The following GAA variants were observed in gnomAD, a reference collection of about 807,000 sequenced individuals.
The protein encoded by GAA is lysosomal alpha-glucosidase.
GAA carries 88 observed loss-of-function variants against 103.9 expected under a neutral mutation model. That is an observed-to-expected ratio of 0.85 (90% CI 0.71 to 1.01). The LOEUF is 1.01. Among genes scored for constraint, GAA ranks in the 50% least tolerant of loss-of-function variants. The probability of loss-of-function intolerance (pLI) is 0.00; values close to 1 mark genes in which losing one functional copy is unlikely to be tolerated. For missense variants in GAA, 1,350 were observed against 1,305.3 expected (o/e 1.03, Z -0.53); for synonymous variants, 572 against 563.1 (o/e 1.02, Z -0.22).
In GAA at chr17:80,118,767, G is replaced by T. The variant is rs1555603286; in HGVS notation, c.2761G>T (p.Val921Phe). Residue 921 changes from valine (V) to phenylalanine (F), a missense_variant, in exon 19 of 20, where the codon GTC becomes TTC. Transcript: ENST00000302262. Reference sequence around the variant, plus strand: ...GCCCCAGCAGGTCCTCTCCAACGGTGTCCCTGTCTCCAACTTCACCTACAG... The same window carrying T: ...GCCCCAGCAGGTCCTCTCCAACGGTTTCCCTGTCTCCAACTTCACCTACAG... ...TAPQQVLSNG[V>F]PVSNFTYSPD... 1 of 1,613,548 alleles carries T rather than the reference G, an allele frequency of 6.2e-7. No individual in the cohort carries two copies. The highest frequency in any genetic ancestry group is 1.3e-5 in the African/African-American group (1 of 75,052).
chr17:80,113,480 C>A (rs1013126514), intron 15 of GAA, 114 bp downstream of exon 15: 2 of 1,030,700 alleles, frequency 1.9e-6, no homozygotes, highest in Non-Finnish European at 2.7e-6. Context: ...AGCAGGTTGC[C>A]GCTGAGTGAG....
chr17:80,119,306 A>T lies in GAA; in HGVS notation c.2834A>T (p.Glu945Val). The change falls in exon 20 of 20, where the codon GAG (glutamate) becomes GTG (valine). Residue 945 changes from glutamate to valine, a missense_variant. Transcript: ENST00000302262. ...ATCTGTGTCTCGCTGTTGATGGGAG[A>T]GCAGTTTCTCGTCAGCTGGTGTTAG... The part of the protein sequence containing the change: ...LDICVSLLMG[E>V]QFLVSWC 1 of 1,613,558 alleles carries T rather than the reference A, an allele frequency of 6.2e-7. No individual in the cohort carries two copies. Among genetic ancestry groups the T allele is most frequent in the Non-Finnish European group, 8.5e-7 (1 of 1,179,836 alleles).
At chr17:80,112,775 C>A (rs984443229) in intron 13 of GAA, 64 bp downstream of exon 13, 4 of 1,575,784 alleles carry the variant, frequency 2.5e-6, no homozygotes, top group Non-Finnish European at 3.4e-6. Context: ...GGGAGGCTTG[C>A]CGGGGCCCCC....
chr17:80,118,207 A>C lies in GAA; in HGVS notation c.2496A>C (p.Thr832=). The change falls in exon 18 of 20, where the codon ACA becomes ACC. Residue 832 remains threonine (T), a synonymous_variant. Coordinates refer to ENST00000302262, the MANE Select transcript of GAA (RefSeq NM_000152.5). The part of the protein sequence containing the change: ...YIIPLQGPGL[T]TTESRQQPMA... Reference sequence around the variant, plus strand: ...TCCCTTTCCAGGGCCCTGGCCTCACAACCACAGAGTCCCGCCAGCAGCCCA... The same window carrying C: ...TCCCTTTCCAGGGCCCTGGCCTCACCACCACAGAGTCCCGCCAGCAGCCCA... The C allele has an allele frequency of 1.2e-6, 2 of 1,613,070 alleles. No individual in the cohort carries two copies.
chr17:80,107,751 C>T, intron 4 of GAA, 29 bp downstream of exon 4: 1 of 1,591,610 alleles, frequency 6.3e-7, no homozygotes, highest in Non-Finnish European at 8.5e-7. Context: ...GGCGGGGGCA[C>T]TGAGCTGGGG....
chr17:80,116,108 A>T (rs892244814), intron 15 of GAA, among the ~76,000 whole-genome samples: 4 of 152,242 alleles, frequency 2.6e-5, no homozygotes, highest in Non-Finnish European at 5.9e-5. Context: ...CACCATCTTC[A>T]CTGACATCAC....
intron 11 of GAA, 28 bp from the exon 12 acceptor site, chr17:80,111,955 C>A: frequency 6.3e-7 from 1 of 1,599,008 alleles, no homozygotes; most frequent in Non-Finnish European, 8.6e-7. Flanking sequence ...GAGGAAGCTC[C>A]CTGGAAACCA....
chr17:80,117,864 C>T (rs890912652), intron 17 of GAA, 115 bp downstream of exon 17: 19 of 1,111,562 alleles, frequency 1.7e-5, no homozygotes, highest in Admixed American at 8.2e-5. Flanking sequence ...GGCCGCCCCC[C>T]GCAGTGTAGG....
chr17:80,116,262 C>T (rs2143914345), intron 15 of GAA, among the ~76,000 whole-genome samples: 1 of 152,322 alleles, frequency 6.6e-6, no homozygotes, highest in South Asian at 2.1e-4. Flanking sequence ...TATAAATTGG[C>T]ACATTTGTGG....
chr17:80,109,144 G>C (rs985791672), intron 8 of GAA, among the ~76,000 whole-genome samples: 3 of 152,184 alleles, frequency 2.0e-5, no homozygotes, highest in Non-Finnish European at 4.4e-5. Context: ...GGAGGGCCCG[G>C]TGGGCCTGGG....
intron 8 of GAA, among the ~76,000 whole-genome samples, chr17:80,109,683 G>A (rs1315733699): frequency 6.8e-6 from 1 of 146,698 alleles, no homozygotes; most frequent in Non-Finnish European, 1.5e-5. Context: ...TAGAACACTT[G>A]GGAAACTCTA....
At chr17:80,111,143 G>C (rs4889817) in intron 11 of GAA, 118 bp downstream of exon 11, 54 of 884,652 alleles carry the variant, frequency 6.1e-5, no homozygotes, top group Admixed American at 2.9e-4. Context: ...GGAAAGGGGC[G>C]GGGGGGGGAT....
intron 2 of GAA, among the ~76,000 whole-genome samples, chr17:80,105,442 G>C (rs373245550): frequency 9.8e-5 from 15 of 152,310 alleles, no homozygotes; most frequent in African/African-American, 3.6e-4. Flanking sequence ...AGATACCCCA[G>C]GCATGACTTT....
Position 80,117,015 on chromosome 17 carries a change from G to A in GAA, c.2237G>A (p.Trp746Ter), listed in dbSNP as rs752921215. 1.2e-5 allele frequency: 19 copies of A among 1,613,396 alleles called. No homozygotes were observed. The highest frequency in any genetic ancestry group is 4.0e-5 in the African/African-American group (3 of 74,912). ...TGGACTGTGGACCACCAGCTCCTGT[G>A]GGGGGAGGCCCTGCTCATCACCCCA... ...STWTVDHQLLWGEALLITPVL... is the reference protein window; with the variant it reads ...STWTVDHQLL Residue 746 changes from tryptophan to a stop codon, truncating the protein, a stop_gained, in exon 16 of 20, where the codon TGG becomes TAG. Coordinates refer to ENST00000302262, the MANE Select transcript of GAA (RefSeq NM_000152.5). LOFTEE classifies it high-confidence loss of function.
In GAA at chr17:80,107,930, G is replaced by T. The variant is rs746162939; in HGVS notation, c.955+34G>T. ...CCCGCCGCCCAGCGCCCGGGCCGGG[G>T]TCTCCTCCGTGCTGCCTGCCCTGGA... On this transcript the variant is annotated intron_variant, in intron 5 of 19. Transcript: ENST00000302262. The T allele has an allele frequency of 8.3e-6, 13 of 1,563,370 alleles. No individual in the cohort carries two copies. The Admixed American group carries it at 9.4e-5, about 11-fold the overall frequency.
intron 9 of GAA, 148 bp downstream of exon 9, chr17:80,110,203 G>A (rs2039199278): frequency 2.1e-5 from 14 of 654,704 alleles, no homozygotes; most frequent in South Asian, 2.0e-4. Context: ...GGCCCGTGAC[G>A]ATGGTGGCTC....
intron 18 of GAA, 25 bp downstream of exon 18, chr17:80,118,382 G>T (rs759031051): frequency 6.4e-7 from 1 of 1,558,106 alleles, no homozygotes; most frequent in Non-Finnish European, 8.7e-7. Flanking sequence ...TGCTCAGGCT[G>T]GTGGGCAGGG....
rs1179738994 is a variant in GAA at position 80,119,348 on chromosome 17, A to C, written c.*17A>C. On this transcript the variant is annotated 3_prime_UTR_variant, in exon 20 of 20. Transcript: ENST00000302262. ...TGGTGTTAGCCGGGCGGAGTGTGTT[A>C]GTCTCTCCAGAGGGAGGCTGGTTCC... is the stretch of plus-strand genomic sequence containing the variant. 2 of 1,610,298 alleles carry C rather than the reference A, an allele frequency of 1.2e-6. No homozygotes were observed. The highest frequency in any genetic ancestry group is 1.7e-6 in the Non-Finnish European group (2 of 1,176,820).
At chr17:80,114,693 C>T (rs931890690) in intron 15 of GAA, among the ~76,000 whole-genome samples, 1 of 152,180 alleles carries the variant, frequency 6.6e-6, no homozygotes. Context: ...TACACACTGT[C>T]TGCCTTTTAT....
Sources: allele counts gnomAD v4.1 joint callset (sites outside exome capture counted in the v4.1 genomes callset), GRCh38; gene constraint gnomAD v4.1.1; transcripts MANE v1.5; gene names NCBI Gene and HGNC (gene_info 2026-07-23, HGNC 2026-07-21).